PTPN13: variants seen among roughly 807,000 people sequenced by gnomAD.
PTPN13 encodes protein tyrosine phosphatase non-receptor type 13.
Under a neutral mutation model 284.0 loss-of-function variants are expected in PTPN13, and 191 were observed. The ratio of observed to expected loss-of-function variants is 0.67; its 90% CI spans 0.60 to 0.76. PTPN13 has a LOEUF of 0.76. PTPN13 is among the 30% of genes least tolerant of loss of function. The pLI is 0.00. For missense variants in PTPN13, 2,797 were observed against 2,939.9 expected (o/e 0.95, Z 1.12); for synonymous variants, 986 against 1,022.3 (o/e 0.96, Z 0.68).
intron 3 of PTPN13, among the ~76,000 whole-genome samples, chr4:86,676,975 A>G (rs1013885552): frequency 6.6e-6 from 1 of 152,152 alleles, no homozygotes; most frequent in African/African-American, 2.4e-5. Flanking sequence ...CTACTGAAAT[A>G]TATACTTAAT....
chr4:86,730,915 T>A lies in PTPN13; in HGVS notation c.1609-1485T>A, dbSNP rs531628728. ...CACACTGGGAGCTGCAGACTGGAGC[T>A]GTTCCTATTCGGCTATCTTCCACTT... is the stretch of plus-strand genomic sequence containing the variant. On this transcript the variant is annotated intron_variant, in intron 10 of 47. Coordinates refer to ENST00000411767, the MANE Select transcript of PTPN13 (RefSeq NM_080683.3). 4.6e-5 allele frequency among the ~76,000 whole-genome samples: 7 copies of A among 152,350 alleles called. No individual in the cohort carries two copies. The South Asian group carries it at 1.5e-3, about 32-fold the overall frequency.
chr4:86,809,639 C>G, intron 45 of PTPN13, 130 bp from the exon 46 acceptor site: 1 of 779,228 alleles, frequency 1.3e-6, no homozygotes, highest in Non-Finnish European at 2.1e-6. Flanking sequence ...TGCAGTGAGC[C>G]GAGATTGCAC....
Position 86,775,647 on chromosome 4 carries a change from A to G in PTPN13, c.5886A>G (p.Ala1962=), listed in dbSNP as rs1379855837. ...CACTTCCTTCATTGGTATTGAAAGC[A>G]ACAAGGTACTCTGCAATTATTTATG... ...DMSLPSLVLK[A]TRNDLPVVPS... The change falls in exon 35 of 48, where the codon GCA becomes GCG. Residue 1962 remains alanine, a synonymous_variant. Coordinates refer to ENST00000411767, the MANE Select transcript of PTPN13 (RefSeq NM_080683.3). The G allele has an allele frequency of 6.2e-7, 1 of 1,609,220 alleles. No homozygotes were observed. The highest frequency in any genetic ancestry group is 8.5e-7 in the Non-Finnish European group (1 of 1,177,382).
At chr4:86,699,805 C>T (rs1730964431) in intron 6 of PTPN13, among the ~76,000 whole-genome samples, 1 of 152,074 alleles carries the variant, frequency 6.6e-6, no homozygotes, top group South Asian at 2.1e-4. Context: ...TCTCTGTTCT[C>T]TATTCAATAA....
intron 7 of PTPN13, among the ~76,000 whole-genome samples, chr4:86,715,788 A>G (rs1732947479): frequency 6.6e-6 from 1 of 152,144 alleles, no homozygotes; most frequent in Non-Finnish European, 1.5e-5. Context: ...CAGAAAGGGG[A>G]TTTAGGAGAC....
intron 7 of PTPN13, among the ~76,000 whole-genome samples, chr4:86,714,871 C>T (rs1443405976): frequency 6.6e-6 from 1 of 151,982 alleles, no homozygotes; most frequent in Non-Finnish European, 1.5e-5. Flanking sequence ...AGGAAACAAA[C>T]AAGTAGAGAA....
intron 2 of PTPN13, among the ~76,000 whole-genome samples, chr4:86,656,265 C>G (rs961279072): frequency 3.3e-5 from 5 of 152,214 alleles, no homozygotes; most frequent in Non-Finnish European, 5.9e-5. Flanking sequence ...CTCCATCCAG[C>G]TTTGTTGCGT....
At chr4:86,790,251 C>G (rs1347750124) in intron 40 of PTPN13, among the ~76,000 whole-genome samples, 1 of 152,120 alleles carries the variant, frequency 6.6e-6, no homozygotes, top group Non-Finnish European at 1.5e-5. Flanking sequence ...TTTACATCAA[C>G]TAAATTGAAA....
intron 2 of PTPN13, among the ~76,000 whole-genome samples, chr4:86,659,385 A>G (rs1253522323): frequency 6.6e-6 from 1 of 152,228 alleles, no homozygotes; most frequent in Admixed American, 6.5e-5. Flanking sequence ...AAAAATACAG[A>G]TGAAAAAGTA....
intron 23 of PTPN13, among the ~76,000 whole-genome samples, chr4:86,760,672 C>T (rs1024265010): frequency 9.9e-5 from 15 of 152,026 alleles, no homozygotes; most frequent in African/African-American, 3.4e-4. Context: ...AACAGAGGAA[C>T]TTTACCTATT....
chr4:86,805,941 A>G (rs939758074), intron 44 of PTPN13, among the ~76,000 whole-genome samples: 1 of 152,086 alleles, frequency 6.6e-6, no homozygotes, highest in Non-Finnish European at 1.5e-5. Context: ...AGATCACTTG[A>G]GATCAGAAGT....
At chr4:86,654,728 G>C (rs1725532883) in intron 2 of PTPN13, among the ~76,000 whole-genome samples, 1 of 152,162 alleles carries the variant, frequency 6.6e-6, no homozygotes, top group Non-Finnish European at 1.5e-5. Flanking sequence ...TTGATTTTGG[G>C]TGGAGAGTTC....
intron 2 of PTPN13, among the ~76,000 whole-genome samples, chr4:86,655,716 T>C (rs1253318625): frequency 6.6e-6 from 1 of 152,174 alleles, no homozygotes; most frequent in African/African-American, 2.4e-5. Flanking sequence ...GACAATTATG[T>C]GTCTTGGAGT....
intron 2 of PTPN13, among the ~76,000 whole-genome samples, chr4:86,642,469 T>C (rs1191305231): frequency 6.9e-6 from 1 of 143,982 alleles, no homozygotes; most frequent in Admixed American, 7.0e-5. Context: ...TTTTTTTTTT[T>C]TGAGATGGAG....
At chr4:86,649,083 T>A (rs1258556444) in intron 2 of PTPN13, among the ~76,000 whole-genome samples, 1 of 152,182 alleles carries the variant, frequency 6.6e-6, no homozygotes, top group Non-Finnish European at 1.5e-5. Context: ...TTTGTTTTTT[T>A]CCTCTTAAGT....
chr4:86,787,212 T>G (rs528282477), intron 40 of PTPN13, among the ~76,000 whole-genome samples: 4 of 152,302 alleles, frequency 2.6e-5, no homozygotes, highest in African/African-American at 9.6e-5. Flanking sequence ...GGCAGAAAAC[T>G]TCTTTCAAGT....
At chr4:86,738,675 C>T (rs1403557811) in intron 15 of PTPN13, among the ~76,000 whole-genome samples, 2 of 152,072 alleles carry the variant, frequency 1.3e-5, no homozygotes, top group Non-Finnish European at 2.9e-5. Context: ...GCTTGCCTTA[C>T]ATTTTCTTAA....
chr4:86,732,401 A>G lies in PTPN13; in HGVS notation c.1610A>G (p.Asn537Ser). 1 of 1,588,014 alleles carries G rather than the reference A, an allele frequency of 6.3e-7. No individual in the cohort carries two copies. Reference sequence around the variant, plus strand: ...TGATTCTGCTTATGTGATTTGCAGAATTTCTTTGGCCCTGAGTTTGTGAAA... The same window carrying G: ...TGATTCTGCTTATGTGATTTGCAGAGTTTCTTTGGCCCTGAGTTTGTGAAA... ...ETAMTQRKLRNFFGPEFVKMT... is the reference protein window; with the variant it reads ...ETAMTQRKLRSFFGPEFVKMT... The change falls in exon 11 of 48, where the codon AAT (asparagine) becomes AGT (serine). Residue 537 changes from asparagine to serine, a missense_variant and splice_region_variant. Asn to Ser is a conservative substitution (Grantham distance 46, BLOSUM62 1). Transcript: ENST00000411767.
intron 1 of PTPN13, among the ~76,000 whole-genome samples, chr4:86,618,246 G>A (rs1435625468): frequency 5.9e-5 from 9 of 152,066 alleles, no homozygotes; most frequent in Non-Finnish European, 8.8e-5. Flanking sequence ...TAGATATGTG[G>A]CATTATTTCT....
Sources: allele counts gnomAD v4.1 joint callset (sites outside exome capture counted in the v4.1 genomes callset), GRCh38; gene constraint gnomAD v4.1.1; transcripts MANE v1.5; gene names NCBI Gene and HGNC (gene_info 2026-07-23, HGNC 2026-07-21).